Variants in UBAP2 observed in about 807,000 individuals in gnomAD.
The protein encoded by UBAP2 is ubiquitin associated protein 2, also known as ubiquitin-associated protein 2.
In UBAP2, 75 loss-of-function variants were observed where a neutral mutation model predicts 139.6. That is an observed-to-expected ratio of 0.54 (90% confidence interval 0.45 to 0.65). The LOEUF (loss-of-function observed/expected upper bound fraction) is 0.65. UBAP2 is among the 30% of genes least tolerant of loss of function. The probability of loss-of-function intolerance (pLI) is 0.00; values close to 1 mark genes in which losing one functional copy is unlikely to be tolerated. For synonymous variants in UBAP2, 526 were observed against 526.2 expected (o/e 1.00, Z 0.01); for missense variants, 1,368 against 1,369.6 (o/e 1.00, Z 0.02).
intron 4 of UBAP2, 73 bp from the exon 5 acceptor site, chr9:33,989,199 C>G: frequency 2.5e-6 from 3 of 1,217,470 alleles, no homozygotes; most frequent in Non-Finnish European, 3.3e-6. Context: ...ATGCATGTAT[C>G]TTTCTTTTTT....
chr9:34,033,673 G>A (rs1353311394), intron 1 of UBAP2, among the ~76,000 whole-genome samples: 1 of 151,330 alleles, frequency 6.6e-6, no homozygotes, highest in Non-Finnish European at 1.5e-5. Context: ...TGCCTCCTGC[G>A]CTCAAGAGAT....
At chr9:33,942,554 CCT>C (rs1371166412) in intron 15 of UBAP2, among the ~76,000 whole-genome samples, 4 of 151,684 alleles carry the variant, frequency 2.6e-5, no homozygotes, top group Non-Finnish European at 5.9e-5. Context: ...ATGACGAAAC[CCT>C]GTCTCTACAA....
chr9:33,940,433 C>A (rs1825105451), intron 16 of UBAP2, among the ~76,000 whole-genome samples: 1 of 152,136 alleles, frequency 6.6e-6, no homozygotes, highest in Non-Finnish European at 1.5e-5. Flanking sequence ...AGTTGTTGAG[C>A]TGAAATCCTA....
intron 1 of UBAP2, among the ~76,000 whole-genome samples, chr9:34,037,523 G>A (rs1180282123): frequency 6.6e-6 from 1 of 152,184 alleles, no homozygotes; most frequent in Non-Finnish European, 1.5e-5. Flanking sequence ...AAAACTTAGG[G>A]TTGGCATAGC....
At chr9:33,951,433 A>T (rs1259592095) in intron 12 of UBAP2, among the ~76,000 whole-genome samples, 8 of 130,048 alleles carry the variant, frequency 6.2e-5, no homozygotes, top group Non-Finnish European at 1.2e-4. Context: ...TGCAACCTCC[A>T]CCTCCCGGGT....
intron 12 of UBAP2, among the ~76,000 whole-genome samples, chr9:33,950,782 A>AC (rs1826030936): frequency 6.6e-6 from 1 of 152,240 alleles, no homozygotes; most frequent in African/African-American, 2.4e-5. Context: ...AACACAGCGA[A>AC]ATCACTGAAT....
chr9:33,974,887 T>A (rs1828179949), intron 6 of UBAP2, among the ~76,000 whole-genome samples: 1 of 123,090 alleles, frequency 8.1e-6, no homozygotes, highest in African/African-American at 3.1e-5. Flanking sequence ...CTACAGTTCC[T>A]AACTTGCGTC....
At chr9:33,983,017 A>G (rs1820903304) in intron 6 of UBAP2, among the ~76,000 whole-genome samples, 1 of 151,878 alleles carries the variant, frequency 6.6e-6, no homozygotes, top group Admixed American at 6.6e-5. Context: ...AGCTGGGACT[A>G]CAGGCACATG....
Position 33,944,509 on chromosome 9 carries a change from T to C in UBAP2, c.1401A>G (p.Glu467=), listed in dbSNP as rs907288094. 15 of 1,613,978 alleles carry C rather than the reference T, an allele frequency of 9.3e-6. No individual in the cohort carries two copies. The African/African-American group carries it at 1.7e-4, about 19-fold the overall frequency. ...TGGAGGGACTGTCTCCAGGTGTTGA[T>C]TCTCGAAGTTTTGCCTGGGAAGGAA... ...ESFPSQAKLR[E]STPGDSPSTV... Residue 467 remains glutamate (E), a synonymous_variant, in exon 14 of 29, where the codon GAA becomes GAG. Coordinates refer to ENST00000379238, the MANE Select transcript of UBAP2 (RefSeq NM_001370062.2).
intron 11 of UBAP2, among the ~76,000 whole-genome samples, chr9:33,954,269 T>TACATACACACACACACACACAC (rs1554682976): frequency 7.2e-6 from 1 of 139,810 alleles, no homozygotes; most frequent in Admixed American, 7.2e-5. Flanking sequence ...TGTGTGTATA[T>TACATACACACACACACACACAC]ACACACACAC....
chr9:34,010,105 C>G (rs1404727584), intron 2 of UBAP2, among the ~76,000 whole-genome samples: 1 of 126,272 alleles, frequency 7.9e-6, no homozygotes, highest in African/African-American at 2.9e-5. Context: ...CCACGCCCAG[C>G]CCGAGGTCCT....
Position 34,004,492 on chromosome 9 carries a change from A to G in UBAP2, c.100-5628T>C, listed in dbSNP as rs537037890. Among the ~76,000 whole-genome samples the G allele has an allele frequency of 2.3e-4, 34 of 150,714 alleles. No homozygotes were observed. The East Asian group carries it at 3.7e-3, about 16-fold the overall frequency. On this transcript the variant is annotated intron_variant, in intron 2 of 28. Transcript: ENST00000379238. ...AGAACAACCTGGTCACAAAAAAAGGAAAAAAAAAGGCTGGGCGCAGTGGCT... is the reference window on the plus strand; with the variant it reads ...AGAACAACCTGGTCACAAAAAAAGGGAAAAAAAAGGCTGGGCGCAGTGGCT...
chr9:34,037,997 C>CAAAAAA (rs72361484), intron 1 of UBAP2, among the ~76,000 whole-genome samples: 3 of 87,396 alleles, frequency 3.4e-5, no homozygotes, highest in African/African-American at 4.5e-5. Flanking sequence ...CCTGTCTCTA[C>CAAAAAA]AAAAAAAAAA....
intron 1 of UBAP2, among the ~76,000 whole-genome samples, chr9:34,020,817 G>A (rs766571912): frequency 3.4e-5 from 5 of 149,142 alleles, no homozygotes; most frequent in Non-Finnish European, 6.0e-5. Context: ...CCGCCACCAA[G>A]CCCAGCTAAT....
chr9:33,996,430 A>G, intron 3 of UBAP2, 97 bp from the exon 4 acceptor site: 1 of 809,756 alleles, frequency 1.2e-6, no homozygotes, highest in South Asian at 1.6e-5. Flanking sequence ...TAATCCTTCT[A>G]CATGAAGATG....
chr9:33,952,654 A>G (rs942715404), intron 12 of UBAP2: 1 of 153,820 alleles, frequency 6.5e-6, no homozygotes, highest in Non-Finnish European at 1.5e-5. Flanking sequence ...CTATAGAGAC[A>G]TAATATGAAA....
At chr9:33,967,536 T>A (rs945325489) in intron 8 of UBAP2, among the ~76,000 whole-genome samples, 1 of 152,212 alleles carries the variant, frequency 6.6e-6, no homozygotes, top group Non-Finnish European at 1.5e-5. Context: ...AATTATTTAT[T>A]TCTGCTCCTT....
rs776047582 is a variant in UBAP2 at position 33,966,293 on chromosome 9, C to CA, written c.680-2503dup. 7.3e-3 allele frequency among the ~76,000 whole-genome samples: 848 copies of CA among 116,182 alleles called. 3 individuals are homozygous for CA. The highest frequency in any genetic ancestry group is 0.036 in the East Asian group (147 of 4,116). 76.2% of individuals were successfully genotyped at this position (116,182 alleles called of 152,430 possible). On this transcript the variant is annotated intron_variant, in intron 8 of 28. Transcript: ENST00000379238. Reference sequence around the variant, plus strand: ...TGAAACCCTGTCTCTACTAAAACTACAAAAAAAAAAAAAAAATTAGCTGGG... The same window carrying CA: ...TGAAACCCTGTCTCTACTAAAACTACAAAAAAAAAAAAAAAAATTAGCTGGG...
intron 12 of UBAP2, among the ~76,000 whole-genome samples, chr9:33,949,863 G>A (rs1015575270): frequency 6.6e-6 from 1 of 152,114 alleles, no homozygotes; most frequent in African/African-American, 2.4e-5. Context: ...ATTTCAAGTT[G>A]TTTAGATGAC....
Sources: allele counts gnomAD v4.1 joint callset (sites outside exome capture counted in the v4.1 genomes callset), GRCh38; gene constraint gnomAD v4.1.1; transcripts MANE v1.5; gene names NCBI Gene and HGNC (gene_info 2026-07-23, HGNC 2026-07-21).